Variants in ACOT9 observed in about 807,000 individuals in gnomAD.
The protein encoded by ACOT9 is acyl-coenzyme A thioesterase 9, mitochondrial.
A neutral mutation model predicts 39.7 loss-of-function variants in ACOT9; 34 were observed. That is an observed-to-expected ratio of 0.86 (90% CI 0.65 to 1.14). The LOEUF (loss-of-function observed/expected upper bound fraction) is 1.14. Among genes scored for constraint, ACOT9 ranks in the 50% most tolerant of loss-of-function variants. ACOT9 has a pLI of 0.00. For synonymous variants in ACOT9, 110 were observed against 120.5 expected, an observed-to-expected ratio of 0.91 and a Z score of 0.57; for missense variants, 313 against 344.1, an observed-to-expected ratio of 0.91 and a Z score of 0.71.
chrX:23,709,670 A>G (rs929929930), intron 9 of ACOT9, among the ~76,000 whole-genome samples: 2 of 111,503 alleles, frequency 1.8e-5, no homozygotes, highest in Non-Finnish European at 3.8e-5. Flanking sequence ...AGACTCCTAA[A>G]TCAAGTTTCT....
At chrX:23,732,282 G>C (rs1929783866) in intron 4 of ACOT9, among the ~76,000 whole-genome samples, 1 of 112,636 alleles carries the variant, frequency 8.9e-6, no homozygotes, top group African/African-American at 3.2e-5. Context: ...TGTGACTATG[G>C]ATGAGTAATA....
intron 1 of ACOT9, among the ~76,000 whole-genome samples, chrX:23,742,205 T>TGAGGGAGAGAGAGAGAGAGAGA (rs1490829230): frequency 4.6e-5 from 3 of 65,559 alleles, no homozygotes; most frequent in African/African-American, 7.0e-5. Flanking sequence ...CCAGGAACAG[T>TGAGGGAGAGAGAGAGAGAGAGA]GAGTGAGTGA....
At position 23,725,229 on chromosome X, in the gene ACOT9, G is replaced by C. The variant is rs192658644; in HGVS notation, c.401-2476C>G. Among the ~76,000 whole-genome samples, 4 of 110,523 alleles carry C rather than the reference G, an allele frequency of 3.6e-5. No individual in the cohort carries two copies. The Admixed American group carries it at 3.9e-4, about 11-fold the overall frequency. ...CTCACACCTGTAATCCCAGCACTTT[G>C]GGAGGCCGAGGTGGGGGGATCACCT... On this transcript the variant is annotated intron_variant, in intron 6 of 15. Transcript: ENST00000379303.
chrX:23,716,530 A>G (rs992596550), intron 8 of ACOT9, among the ~76,000 whole-genome samples: 1 of 111,915 alleles, frequency 8.9e-6, no homozygotes, highest in African/African-American at 3.2e-5. Context: ...AGTGCCAAGC[A>G]CTAGAACGCA....
At chrX:23,714,142 AG>A (rs772462082) in intron 8 of ACOT9, among the ~76,000 whole-genome samples, 2 of 111,479 alleles carry the variant, frequency 1.8e-5, no homozygotes, top group Non-Finnish European at 3.8e-5. Context: ...GGTCACAGAG[AG>A]TATCATCAGC....
intron 7 of ACOT9, 81 bp from the exon 8 acceptor site, chrX:23,722,065 C>A (rs1361127082): frequency 3.5e-6 from 2 of 573,630 alleles, no homozygotes; most frequent in Non-Finnish European, 5.3e-6. Context: ...GAAATTATGG[C>A]AAATTCCACT....
intron 6 of ACOT9, 21 bp downstream of exon 6, chrX:23,730,506 A>G: frequency 8.5e-7 from 1 of 1,170,889 alleles, no homozygotes; most frequent in Non-Finnish European, 1.2e-6. Flanking sequence ...TCTATTAGAA[A>G]GACTAAAATA....
At chrX:23,727,701 A>G (rs1435289352) in intron 6 of ACOT9, among the ~76,000 whole-genome samples, 1 of 109,607 alleles carries the variant, frequency 9.1e-6, no homozygotes, top group African/African-American at 3.3e-5. Flanking sequence ...GCTTGTATCT[A>G]TATTTTAAAA....
intron 6 of ACOT9, among the ~76,000 whole-genome samples, chrX:23,728,787 A>T (rs748437761): frequency 1.8e-5 from 2 of 111,390 alleles, no homozygotes; most frequent in East Asian, 5.6e-4. Flanking sequence ...CTCCTTGGAG[A>T]TGTGGGTGAT....
chrX:23,706,311 G>A (rs1928680655), intron 11 of ACOT9, among the ~76,000 whole-genome samples: 2 of 106,270 alleles, frequency 1.9e-5, no homozygotes, highest in African/African-American at 3.4e-5. Flanking sequence ...TGTAATCCCA[G>A]CACTTTGGGA....
chrX:23,728,170 T>C (rs1601817162), intron 6 of ACOT9, among the ~76,000 whole-genome samples: 1 of 110,960 alleles, frequency 9.0e-6, no homozygotes, highest in African/African-American at 3.3e-5. Context: ...GAACCCTTTT[T>C]CAGACCCTTT....
intron 8 of ACOT9, among the ~76,000 whole-genome samples, chrX:23,716,847 AG>A (rs1929098585): frequency 9.3e-6 from 1 of 107,683 alleles, no homozygotes; most frequent in Admixed American, 1.0e-4. Context: ...CCACCACACC[AG>A]CTAATTTTTT....
chrX:23,731,244 G>C (rs747332271), intron 4 of ACOT9, among the ~76,000 whole-genome samples: 9 of 112,080 alleles, frequency 8.0e-5, no homozygotes, highest in African/African-American at 2.9e-4. Context: ...GGGAGGCCAA[G>C]GCGGGTGGAT....
chrX:23,731,061 A>G (rs1033199366), intron 4 of ACOT9, 75 bp from the exon 5 acceptor site: 51 of 893,125 alleles, frequency 5.7e-5, no homozygotes, highest in Non-Finnish European at 7.7e-5. Flanking sequence ...ACAGGCCAGT[A>G]AGATACCATC....
intron 8 of ACOT9, among the ~76,000 whole-genome samples, chrX:23,720,050 G>A (rs894480407): frequency 2.7e-5 from 3 of 112,043 alleles, no homozygotes; most frequent in South Asian, 3.6e-4. Flanking sequence ...AGCCAGGATG[G>A]TCTCGATCTC....
intron 1 of ACOT9, among the ~76,000 whole-genome samples, chrX:23,739,760 G>A (rs868699435): frequency 1.6e-4 from 18 of 110,647 alleles, no homozygotes; most frequent in Middle Eastern, 4.6e-3. Context: ...TCGCACCACT[G>A]CACTCCAGCC....
intron 8 of ACOT9, among the ~76,000 whole-genome samples, chrX:23,717,301 G>A (rs190426755): frequency 9.0e-6 from 1 of 111,577 alleles, no homozygotes; most frequent in African/African-American, 3.2e-5. Flanking sequence ...AGTCAAAGGA[G>A]TTTAGACTTT....
chrX:23,718,202 C>G (rs967516803), intron 8 of ACOT9, among the ~76,000 whole-genome samples: 1 of 111,292 alleles, frequency 9.0e-6, no homozygotes, highest in Non-Finnish European at 1.9e-5. Flanking sequence ...TAACATGGTA[C>G]TCTGTTACTA....
chrX:23,738,057 C>A (rs188118199), intron 1 of ACOT9, among the ~76,000 whole-genome samples: 1 of 105,270 alleles, frequency 9.5e-6, no homozygotes, highest in African/African-American at 3.5e-5. Context: ...TTAGTAGAGA[C>A]GGGGTTTCAT....
Sources: allele counts gnomAD v4.1 joint callset (sites outside exome capture counted in the v4.1 genomes callset), GRCh38; gene constraint gnomAD v4.1.1; transcripts MANE v1.5; gene names NCBI Gene and HGNC (gene_info 2026-07-23, HGNC 2026-07-21).